Variants in LPAR1 observed in about 807,000 individuals in gnomAD.
LPAR1 encodes lysophosphatidic acid receptor 1, also known as LPA receptor 1.
A neutral mutation model predicts 23.8 loss-of-function variants in LPAR1; 5 were observed. The ratio of observed to expected loss-of-function variants is 0.21; its 90% CI spans 0.11 to 0.44. The LOEUF is 0.44. Ranked by LOEUF, LPAR1 falls within the 20% of genes least tolerant of loss-of-function variation. The probability of loss-of-function intolerance (pLI) is 0.99; values close to 1 mark genes in which losing one functional copy is unlikely to be tolerated. For missense variants in LPAR1, 311 were observed against 482.8 expected, an observed-to-expected ratio of 0.64 and a Z score of 3.33; for synonymous variants, 160 against 164.7, an observed-to-expected ratio of 0.97 and a Z score of 0.22.
chr9:111,031,625 A>C (rs1330518552), intron 2 of LPAR1, among the ~76,000 whole-genome samples: 4 of 152,070 alleles, frequency 2.6e-5, no homozygotes, highest in South Asian at 2.1e-4. Flanking sequence ...GACTTTCTAC[A>C]GGCACTAGGT....
At chr9:110,939,488 C>T (rs550366458) in intron 5 of LPAR1, among the ~76,000 whole-genome samples, 7 of 152,138 alleles carry the variant, frequency 4.6e-5, no homozygotes, top group African/African-American at 7.2e-5. Flanking sequence ...CAACTGCATT[C>T]GATCTTTGTG....
intron 2 of LPAR1, among the ~76,000 whole-genome samples, chr9:111,007,155 G>A (rs1024936778): frequency 1.6e-4 from 24 of 151,908 alleles, no homozygotes; most frequent in African/African-American, 5.8e-4. Context: ...ATTTTGTGAG[G>A]CCTCCCCAGA....
intron 4 of LPAR1, among the ~76,000 whole-genome samples, chr9:110,971,785 T>TA (rs2096432686): frequency 7.0e-6 from 1 of 142,966 alleles, no homozygotes; most frequent in South Asian, 2.2e-4. Flanking sequence ...ACTACTGACT[T>TA]ACTTTGATTT....
chr9:110,984,017 T>C (rs1008855146), intron 2 of LPAR1, among the ~76,000 whole-genome samples: 9 of 152,026 alleles, frequency 5.9e-5, no homozygotes, highest in African/African-American at 2.2e-4. Context: ...GTGGGGTATA[T>C]GGGATATTCT....
At chr9:110,983,754 G>T (rs958192177) in intron 2 of LPAR1, among the ~76,000 whole-genome samples, 1 of 151,632 alleles carries the variant, frequency 6.6e-6, no homozygotes, top group Non-Finnish European at 1.5e-5. Context: ...AAAATTAAAA[G>T]AAATCCCATT....
At chr9:111,004,667 A>G (rs916412855) in intron 2 of LPAR1, among the ~76,000 whole-genome samples, 19 of 152,148 alleles carry the variant, frequency 1.2e-4, no homozygotes, top group African/African-American at 4.6e-4. Flanking sequence ...GCTTCTTTGC[A>G]GGATCCTCTT....
chr9:110,928,262 A>G (rs183946134), intron 5 of LPAR1, among the ~76,000 whole-genome samples: 5 of 152,320 alleles, frequency 3.3e-5, no homozygotes, highest in Admixed American at 2.6e-4. Context: ...TTAAATTTAC[A>G]AATGCTTTCG....
intron 5 of LPAR1, among the ~76,000 whole-genome samples, chr9:110,898,776 A>G (rs1304505403): frequency 3.9e-5 from 6 of 152,236 alleles, no homozygotes. Flanking sequence ...TAGAATTTTT[A>G]ATTTGCTCCT....
chr9:110,879,009 T>C (rs184951056), intron 5 of LPAR1, among the ~76,000 whole-genome samples: 139 of 152,272 alleles, frequency 9.1e-4, no homozygotes, highest in African/African-American at 3.3e-3. Context: ...GAATGAAATA[T>C]AGTACTCAGT....
At chr9:110,878,263 AT>A (rs1437628571) in intron 5 of LPAR1, among the ~76,000 whole-genome samples, 1 of 152,154 alleles carries the variant, frequency 6.6e-6, no homozygotes, top group African/African-American at 2.4e-5. Context: ...TCATATGGAA[AT>A]TCTGCGCCCC....
intron 2 of LPAR1, among the ~76,000 whole-genome samples, chr9:111,002,833 A>T (rs2097152756): frequency 6.6e-6 from 1 of 152,160 alleles, no homozygotes; most frequent in African/African-American, 2.4e-5. Context: ...CTGTAGGTGT[A>T]ACTTCTCTTT....
Position 110,947,136 on chromosome 9 carries a change from T to C in LPAR1, c.46-4968A>G, listed in dbSNP as rs114033991. ...TGTAAAATTTATGTAGGTGAGATTA[T>C]AGATGATTTTTTCATCTTTAGAAAG... On this transcript the variant is annotated intron_variant, in intron 4 of 5. Coordinates refer to ENST00000683809, the MANE Select transcript of LPAR1 (RefSeq NM_001351411.2). 7.0e-3 allele frequency among the ~76,000 whole-genome samples: 1,070 copies of C among 152,290 alleles called. 15 individuals carry two copies. Among genetic ancestry groups the C allele is most frequent in the African/African-American group, 0.024 (1,016 of 41,576 alleles).
chr9:111,009,190 G>C (rs189603485), intron 2 of LPAR1, among the ~76,000 whole-genome samples: 1 of 152,088 alleles, frequency 6.6e-6, no homozygotes, highest in East Asian at 1.9e-4. Context: ...AATAAAAATA[G>C]AAACAGGGTT....
intron 2 of LPAR1, among the ~76,000 whole-genome samples, chr9:111,020,574 C>A (rs1446844420): frequency 6.6e-6 from 1 of 152,136 alleles, no homozygotes; most frequent in African/African-American, 2.4e-5. Context: ...AATTCTAGGC[C>A]AGGCATCTAC....
intron 4 of LPAR1, among the ~76,000 whole-genome samples, chr9:110,951,577 G>A (rs961341760): frequency 6.6e-6 from 1 of 152,164 alleles, no homozygotes. Context: ...ATTACAAACT[G>A]CAGTGAGATC....
At chr9:110,977,371 A>C (rs1588647629) in intron 2 of LPAR1, among the ~76,000 whole-genome samples, 1 of 151,906 alleles carries the variant, frequency 6.6e-6, no homozygotes, top group Non-Finnish European at 1.5e-5. Context: ...GGAAAAAGAC[A>C]CTCCCAGCTG....
intron 5 of LPAR1, among the ~76,000 whole-genome samples, chr9:110,934,769 A>G (rs2094586976): frequency 6.6e-6 from 1 of 151,628 alleles, no homozygotes; most frequent in Non-Finnish European, 1.5e-5. Flanking sequence ...CTTGTCAAAG[A>G]GTAGATTCCA....
intron 2 of LPAR1, among the ~76,000 whole-genome samples, chr9:111,031,034 T>C (rs1052634971): frequency 6.6e-6 from 1 of 152,172 alleles, no homozygotes; most frequent in African/African-American, 2.4e-5. Context: ...TGGAAGGCTA[T>C]GGAACAAACT....
At chr9:110,939,708 A>G (rs2094959913) in intron 5 of LPAR1, among the ~76,000 whole-genome samples, 1 of 152,244 alleles carries the variant, frequency 6.6e-6, no homozygotes, top group African/African-American at 2.4e-5. Flanking sequence ...TGGAATACAC[A>G]AGATATTATA....
Sources: gnomAD v4.1 joint callset for allele counts (sites outside exome capture counted in the v4.1 genomes callset) on GRCh38, gnomAD v4.1.1 for gene constraint, MANE v1.5 for transcripts, NCBI Gene and HGNC (gene_info 2026-07-23, HGNC 2026-07-21) for gene names.